The following ITPR2 variants were observed in gnomAD, a reference collection of about 807,000 sequenced individuals.
ITPR2 encodes the protein inositol 1,4,5-trisphosphate-gated calcium channel ITPR2.
A neutral mutation model predicts 317.1 loss-of-function variants in ITPR2; 207 were observed. That is an observed-to-expected ratio of 0.65 (90% confidence interval 0.58 to 0.73). ITPR2 has a LOEUF of 0.73. Ranked by LOEUF, ITPR2 falls within the 30% of genes least tolerant of loss-of-function variation. The probability of loss-of-function intolerance (pLI) is 0.00; values close to 1 mark genes in which losing one functional copy is unlikely to be tolerated. For missense variants in ITPR2, 2,613 were observed against 3,284.0 expected, an observed-to-expected ratio of 0.80 and a Z score of 4.99; for synonymous variants, 1,156 against 1,149.1, an observed-to-expected ratio of 1.01 and a Z score of -0.12.
At chr12:26,528,550 T>C (rs1943865756) in intron 37 of ITPR2, among the ~76,000 whole-genome samples, 1 of 152,220 alleles carries the variant, frequency 6.6e-6, no homozygotes, top group African/African-American at 2.4e-5. Context: ...AAAATAACTC[T>C]TTACATTGTA....
chr12:26,662,876 G>T (rs1947534219), intron 15 of ITPR2, among the ~76,000 whole-genome samples: 4 of 152,052 alleles, frequency 2.6e-5, no homozygotes, highest in Admixed American at 2.6e-4. Context: ...TCGCTATATT[G>T]CCTAGGCTGG....
chr12:26,828,004 C>A (rs1951034143), intron 1 of ITPR2, among the ~76,000 whole-genome samples: 2 of 152,176 alleles, frequency 1.3e-5, no homozygotes, highest in Admixed American at 6.5e-5. Flanking sequence ...AAAAAGAAAT[C>A]TTTTCTTTCT....
intron 9 of ITPR2, 53 bp downstream of exon 9, chr12:26,711,120 C>G: frequency 7.8e-7 from 1 of 1,282,352 alleles, no homozygotes; most frequent in South Asian, 1.2e-5. Flanking sequence ...CCAACTGCCT[C>G]TTTCACTAAT....
chr12:26,755,080 T>C (rs1949496416), intron 2 of ITPR2, among the ~76,000 whole-genome samples: 2 of 152,232 alleles, frequency 1.3e-5, no homozygotes, highest in Admixed American at 1.3e-4. Context: ...TTGGTATATG[T>C]TCCAAAATTA....
At chr12:26,637,771 A>G (rs1217059708) in intron 21 of ITPR2, among the ~76,000 whole-genome samples, 9 of 152,228 alleles carry the variant, frequency 5.9e-5, no homozygotes, top group Non-Finnish European at 1.2e-4. Context: ...TCATATAATT[A>G]TAGTTCATAA....
At chr12:26,692,609 G>A (rs984693978) in intron 10 of ITPR2, among the ~76,000 whole-genome samples, 1 of 152,072 alleles carries the variant, frequency 6.6e-6, no homozygotes, top group African/African-American at 2.4e-5. Flanking sequence ...ATGTTTACAG[G>A]GTCCCTGTGG....
At chr12:26,535,282 A>G (rs919941961) in intron 37 of ITPR2, among the ~76,000 whole-genome samples, 8 of 152,214 alleles carry the variant, frequency 5.3e-5, no homozygotes, top group Non-Finnish European at 1.2e-4. Flanking sequence ...AATAAAAATG[A>G]TTCCAAAAAA....
chr12:26,371,729 C>A (rs148213986), intron 55 of ITPR2, among the ~76,000 whole-genome samples: 1 of 152,110 alleles, frequency 6.6e-6, no homozygotes, highest in South Asian at 2.1e-4. Context: ...GGGAACCGAG[C>A]CCTCTTGGTT....
intron 34 of ITPR2, among the ~76,000 whole-genome samples, chr12:26,564,332 T>C (rs917970176): frequency 2.0e-5 from 3 of 152,144 alleles, no homozygotes; most frequent in African/African-American, 4.8e-5. Flanking sequence ...GAAAACAATA[T>C]AAGACAACTT....
chr12:26,779,552 C>T (rs530354096), intron 2 of ITPR2, among the ~76,000 whole-genome samples: 9 of 152,346 alleles, frequency 5.9e-5, no homozygotes, highest in African/African-American at 1.7e-4. Flanking sequence ...CTCTCCCAGC[C>T]TGCATCGATG....
At chr12:26,492,456 C>CG (rs1491260786) in intron 39 of ITPR2, among the ~76,000 whole-genome samples, 1 of 91,628 alleles carries the variant, frequency 1.1e-5, no homozygotes, top group African/African-American at 3.1e-5. Flanking sequence ...AGATGCCCCC[C>CG]ACCAAAAAAA....
chr12:26,541,162 AAAAAAT>A (rs1472666072), intron 37 of ITPR2, among the ~76,000 whole-genome samples: 1 of 150,904 alleles, frequency 6.6e-6, no homozygotes, highest in African/African-American at 2.4e-5. Context: ...AAAAAAAAAA[AAAAAAT>A]TAGCTGGACA....
chr12:26,449,441 C>T lies in ITPR2; in HGVS notation c.6343-5791G>A, dbSNP rs1055674884. On this transcript the variant is annotated intron_variant, in intron 45 of 56. Coordinates refer to ENST00000381340, the MANE Select transcript of ITPR2 (RefSeq NM_002223.4). ...CTGTGACCCTGCAAAGTGCAAAGCA[C>T]GGTTTTAGCTACTGTGGGATGATAG... Among the ~76,000 whole-genome samples, 8 of 152,076 alleles carry T rather than the reference C, an allele frequency of 5.3e-5. No homozygotes were observed. The East Asian group carries it at 7.7e-4, about 15-fold the overall frequency.
chr12:26,813,646 C>CT (rs1317461682), intron 1 of ITPR2, among the ~76,000 whole-genome samples: 17 of 152,030 alleles, frequency 1.1e-4, no homozygotes, highest in African/African-American at 3.1e-4. Flanking sequence ...CCTTAGAATC[C>CT]TTTTTTTCAT....
chr12:26,468,929 TTAAAATATTTTTGGCTCCTCTCCC>T (rs1942237933), intron 45 of ITPR2, among the ~76,000 whole-genome samples: 1 of 152,196 alleles, frequency 6.6e-6, no homozygotes, highest in African/African-American at 2.4e-5. Context: ...GTTTCTCTCC[TTAAAATATTTTTGGCTCCTCTCCC>T]TAAAATATTT....
In ITPR2 at chr12:26,792,341, A is replaced by G. The variant is rs16915756; in HGVS notation, c.93-2114T>C. ...GGAGTCTGAATCTGTTACAAGACAT[A>G]TATGATCACTGGCATTAAAAGTCAA... is the stretch of plus-strand genomic sequence containing the variant. On this transcript the variant is annotated intron_variant, in intron 1 of 56. Transcript: ENST00000381340. Among the ~76,000 whole-genome samples the G allele has an allele frequency of 7.3e-3, 1,102 of 151,812 alleles. 18 individuals are homozygous for G. The highest frequency in any genetic ancestry group is 0.025 in the African/African-American group (1,025 of 41,442).
intron 45 of ITPR2, among the ~76,000 whole-genome samples, chr12:26,472,375 T>C (rs1022383982): frequency 4.6e-5 from 7 of 152,328 alleles, no homozygotes; most frequent in Admixed American, 2.6e-4. Context: ...TTACTTTCTT[T>C]TGTTTTGATG....
intron 54 of ITPR2, among the ~76,000 whole-genome samples, chr12:26,396,983 C>T (rs1190265536): frequency 6.6e-6 from 1 of 152,122 alleles, no homozygotes; most frequent in Non-Finnish European, 1.5e-5. Flanking sequence ...AACTCTCCTG[C>T]TTTCATTACC....
intron 34 of ITPR2, among the ~76,000 whole-genome samples, chr12:26,573,937 G>T (rs557665447): frequency 1.0e-3 from 159 of 152,238 alleles, no homozygotes; most frequent in African/African-American, 3.4e-3. Flanking sequence ...TGGATTGCAG[G>T]GGCACATTTA....
Sources: gnomAD v4.1 joint callset for allele counts (sites outside exome capture counted in the v4.1 genomes callset) on GRCh38, gnomAD v4.1.1 for gene constraint, MANE v1.5 for transcripts, NCBI Gene and HGNC (gene_info 2026-07-23, HGNC 2026-07-21) for gene names.